Variants in KIF18B observed in about 807,000 individuals in gnomAD.
KIF18B encodes kinesin-like protein KIF18B.
In KIF18B, 49 loss-of-function variants were observed where a neutral mutation model predicts 80.9. The observed-to-expected ratio is 0.61, with a 90% CI of 0.48 to 0.77. The LOEUF is 0.77. KIF18B is among the 30% of genes least tolerant of loss of function. The pLI is 0.00. For synonymous variants in KIF18B, 439 were observed against 463.9 expected (o/e 0.95, Z 0.69); for missense variants, 994 against 1,127.7 (o/e 0.88, Z 1.70).
At chr17:44,932,369 G>C in intron 9 of KIF18B, 163 bp from the exon 10 acceptor site, 1 of 737,452 alleles carries the variant, frequency 1.4e-6, no homozygotes, top group Middle Eastern at 3.9e-4. Flanking sequence ...GTGACAAATG[G>C]GCAGTAGCTG....
At chr17:44,935,992 G>C in intron 2 of KIF18B, 40 bp downstream of exon 2, 1 of 1,581,846 alleles carries the variant, frequency 6.3e-7, no homozygotes, top group African/African-American at 1.3e-5. Flanking sequence ...GGAGGAGGCA[G>C]GGAGGCCAGG....
At chr17:44,931,473 C>T in intron 11 of KIF18B, 129 bp downstream of exon 11, 1 of 1,222,720 alleles carries the variant, frequency 8.2e-7, no homozygotes, top group Non-Finnish European at 1.2e-6. Context: ...GGAGGTGAAA[C>T]CAGGTAAAGG....
chr17:44,926,518 G>A lies in KIF18B; in HGVS notation c.2367-19C>T, dbSNP rs1326796613. On this transcript the variant is annotated intron_variant, in intron 14 of 15. Coordinates refer to ENST00000593135, the MANE Select transcript of KIF18B (RefSeq NM_001265577.2). ...TGAGGAACTGAGGGAGGAAAGGAGGGAAGGTGGAAGGTTACGGCCCTGTCT... is the reference window on the plus strand; with the variant it reads ...TGAGGAACTGAGGGAGGAAAGGAGGAAAGGTGGAAGGTTACGGCCCTGTCT... 2 of 1,567,266 alleles carry A rather than the reference G, an allele frequency of 1.3e-6. No individual in the cohort carries two copies. The highest frequency in any genetic ancestry group is 1.7e-6 in the Non-Finnish European group (2 of 1,159,168).
In KIF18B at chr17:44,931,600, A is replaced by C; in HGVS notation, c.1517+2T>G. 11 of 1,613,894 alleles carry C rather than the reference A, an allele frequency of 6.8e-6. No homozygotes were observed. The highest frequency in any genetic ancestry group is 9.3e-6 in the Non-Finnish European group (11 of 1,179,856). ...TCCAGAATACAGCAAGAAGATACCT[A>C]CTGCTTAGAACGGTCCCCATCCAGT... On this transcript the variant is annotated splice_donor_variant, in intron 11 of 15. Coordinates refer to ENST00000593135, the MANE Select transcript of KIF18B (RefSeq NM_001265577.2). LOFTEE classifies it high-confidence loss of function.
intron 1 of KIF18B, among the ~76,000 whole-genome samples, chr17:44,942,562 A>G (rs954796706): frequency 7.2e-5 from 11 of 152,196 alleles, no homozygotes; most frequent in Admixed American, 2.0e-4. Context: ...GCGATGCTGT[A>G]GCCCCCTTCA....
intron 1 of KIF18B, among the ~76,000 whole-genome samples, chr17:44,941,986 C>T (rs1360817908): frequency 2.0e-5 from 3 of 152,038 alleles, no homozygotes; most frequent in Non-Finnish European, 4.4e-5. Context: ...GTGTGGATGA[C>T]ACTTGGCATA....
At chr17:44,945,656 G>A (rs148990799) in intron 1 of KIF18B, among the ~76,000 whole-genome samples, 6,768 of 152,114 alleles carry the variant, frequency 0.044, 204 homozygotes, top group Middle Eastern at 0.15. Context: ...TGTAATCTCA[G>A]TACTTTGGGA....
rs1227028020 is a variant in KIF18B, at chr17:44,935,251, C to T, written c.471+8G>A. On this transcript the variant is annotated splice_region_variant and intron_variant, in intron 3 of 15. Coordinates refer to ENST00000593135, the MANE Select transcript of KIF18B (RefSeq NM_001265577.2). ...GTGAGAACAAGGCCCAGGGCAGGGG[C>T]AGCCGACCTCCTGGTAGCTGATGAG... 3.8e-6 allele frequency: 6 copies of T among 1,595,346 alleles called. No homozygotes were observed. The highest frequency in any genetic ancestry group is 5.1e-6 in the Non-Finnish European group (6 of 1,169,040).
intron 1 of KIF18B, among the ~76,000 whole-genome samples, chr17:44,942,967 T>C (rs1387777827): frequency 1.3e-5 from 2 of 152,196 alleles, no homozygotes; most frequent in Non-Finnish European, 2.9e-5. Flanking sequence ...ACCCCATCCT[T>C]AGGCTGTTCT....
At chr17:44,947,195 A>T (rs2145763014) in intron 1 of KIF18B, among the ~76,000 whole-genome samples, 1 of 151,062 alleles carries the variant, frequency 6.6e-6, no homozygotes, top group East Asian at 2.0e-4. Context: ...TCAGTTCAGT[A>T]GATGGGTGGA....
intron 1 of KIF18B, among the ~76,000 whole-genome samples, chr17:44,943,131 GCT>G (rs1300914598): frequency 7.2e-5 from 11 of 151,756 alleles, no homozygotes; most frequent in South Asian, 2.1e-4. Context: ...GGAGAGTCTC[GCT>G]CTGTCGACCA....
chr17:44,928,942 T>C lies in KIF18B; in HGVS notation c.1600A>G (p.Thr534Ala). Residue 534 changes from threonine to alanine, a missense_variant, in exon 12 of 16, where the codon ACA becomes GCA. Transcript: ENST00000593135. ...AGCTGCTGTAGGGTCTCAAACTCTG[T>C]GATCATGTCGGGCGTCAGGAGGTTG... ...AANLLTPDMI[T>A]EFETLQQLVQ... is the part of the protein sequence containing the mutation. 2 of 1,614,006 alleles carry C rather than the reference T, an allele frequency of 1.2e-6. No homozygotes were observed. Among genetic ancestry groups the C allele is most frequent in the Non-Finnish European group, 1.7e-6 (2 of 1,179,882 alleles).
In KIF18B at chr17:44,927,117, G is replaced by A; in HGVS notation, c.2277-39C>T. The stretch of plus-strand genomic sequence containing the variant: ...ACAGGGAAGGAGGCTGATCAGCAGG[G>A]AACCGGAAGCAAGGCCAGCCACTTC... On this transcript the variant is annotated intron_variant, in intron 13 of 15. Transcript: ENST00000593135. The surrounding 1 kb of genome is among the most constrained non-coding windows in gnomAD (Gnocchi z 4.1). 1.3e-6 allele frequency: 2 copies of A among 1,510,356 alleles called. No individual in the cohort carries two copies. The highest frequency in any genetic ancestry group is 1.8e-6 in the Non-Finnish European group (2 of 1,109,802). The allele number at this position is 1,510,356 out of a possible 1,614,324, so 93.6% of individuals were successfully genotyped here.
chr17:44,930,258 T>C (rs1265939137), intron 11 of KIF18B, among the ~76,000 whole-genome samples: 2 of 152,224 alleles, frequency 1.3e-5, no homozygotes, highest in African/African-American at 4.8e-5. Flanking sequence ...CCGTCCCTCT[T>C]GCTATGTGAG....
intron 1 of KIF18B, among the ~76,000 whole-genome samples, chr17:44,942,052 G>T (rs573504730): frequency 6.6e-6 from 1 of 152,226 alleles, no homozygotes; most frequent in East Asian, 1.9e-4. Flanking sequence ...CCAAGGGGGA[G>T]GTCTTTCCAC....
chr17:44,934,986 A>AGGCCCCTGTCC lies in KIF18B; in HGVS notation c.472-52_472-51insGGACAGGGGCC. On this transcript the variant is annotated intron_variant, in intron 3 of 15. Coordinates refer to ENST00000593135, the MANE Select transcript of KIF18B (RefSeq NM_001265577.2). This position sits in a 1 kb window ranked among gnomAD's most constrained non-coding sequence, Gnocchi z 5.4. ...CTGAGGGAGAGCGGCCCATCAGGAAACCTCTCCCTAGCGGCTGGACAGGGG... is the reference window on the plus strand; with the variant it reads ...CTGAGGGAGAGCGGCCCATCAGGAAAGGCCCCTGTCCCCTCTCCCTAGCGGCTGGACAGGGG... The AGGCCCCTGTCC allele has an allele frequency of 1.5e-6, 2 of 1,310,390 alleles. No homozygotes were observed. Among genetic ancestry groups the AGGCCCCTGTCC allele is most frequent in the Non-Finnish European group, 2.1e-6 (2 of 945,802 alleles). The allele number at this position is 1,310,390 out of a possible 1,614,324, so 81.2% of individuals were successfully genotyped here.
In KIF18B at chr17:44,927,302, C is replaced by T. The variant is rs979025406; in HGVS notation, c.2277-224G>A. Among the ~76,000 whole-genome samples the T allele has an allele frequency of 2.6e-5, 4 of 152,170 alleles. No individual in the cohort carries two copies. Among genetic ancestry groups the T allele is most frequent in the African/African-American group, 7.2e-5 (3 of 41,436 alleles). On this transcript the variant is annotated intron_variant, in intron 13 of 15. Coordinates refer to ENST00000593135, the MANE Select transcript of KIF18B (RefSeq NM_001265577.2). The surrounding 1 kb of genome is among the most constrained non-coding windows in gnomAD (Gnocchi z 4.1). Reference sequence around the variant, plus strand: ...TCCAGATGCCAGTTTCTGGTGCACCCGGGGAACTGGAGTTCAAACAATTTC... The same window carrying T: ...TCCAGATGCCAGTTTCTGGTGCACCTGGGGAACTGGAGTTCAAACAATTTC...
In KIF18B at chr17:44,936,115, C is replaced by T. The variant is rs1269012663; in HGVS notation, c.230G>A (p.Gly77Asp). The T allele has an allele frequency of 1.2e-6, 2 of 1,613,848 alleles. No individual in the cohort carries two copies. The highest frequency in any genetic ancestry group is 2.2e-5 in the South Asian group (2 of 91,088). Residue 77 changes from glycine (G) to aspartate (D), a missense_variant, in exon 2 of 16, where the codon GGC (glycine) becomes GAC (aspartate). Transcript: ENST00000593135. The stretch of plus-strand genomic sequence containing the variant: ...CACGTCCTGTTGGGTGGCCGCCTCG[C>T]CAAAGACCCGGTCAAAGACAAACGT... ...DLTFVFDRVF[G>D]EAATQQDVFQ...
intron 14 of KIF18B, 87 bp downstream of exon 14, chr17:44,926,901 AC>A: frequency 8.7e-7 from 1 of 1,147,692 alleles, no homozygotes; most frequent in East Asian, 2.6e-5. Context: ...AGACAGAGAC[AC>A]TGGGGGCCCA....
Sources: allele counts gnomAD v4.1 joint callset (sites outside exome capture counted in the v4.1 genomes callset), GRCh38; gene constraint gnomAD v4.1.1; non-coding constraint Gnocchi (gnomAD v3.1); transcripts MANE v1.5; gene names NCBI Gene and HGNC (gene_info 2026-07-23, HGNC 2026-07-21).